Variants in METTL15 observed in about 807,000 individuals in gnomAD.
METTL15 encodes the protein methyltransferase 15, mitochondrial 12S rRNA N4-cytidine.
METTL15 carries 34 observed loss-of-function variants against 38.3 expected under a neutral mutation model. That is an observed-to-expected ratio of 0.89 (90% CI 0.68 to 1.18). The LOEUF (loss-of-function observed/expected upper bound fraction) is 1.18, where lower values mean the gene tolerates loss of function less well. Ranked by LOEUF, METTL15 falls within the 50% of genes most tolerant of loss-of-function variation. The pLI is 0.00. For synonymous variants in METTL15, 162 were observed against 170.9 expected (o/e 0.95, Z 0.41); for missense variants, 438 against 498.4 (o/e 0.88, Z 1.15).
Position 28,330,888 on chromosome 11 carries a change from A to C in METTL15, c.*47A>C. 2 of 1,389,366 alleles carry C rather than the reference A, an allele frequency of 1.4e-6. No individual in the cohort carries two copies. Among genetic ancestry groups the C allele is most frequent in the Non-Finnish European group, 1.9e-6 (2 of 1,030,108 alleles). The allele number at this position is 1,389,366 out of a possible 1,614,324, so 86.1% of individuals were successfully genotyped here. ...AAATTTTTTTCTCACAATTTCTCTA[A>C]TCTTTACTCATGTTATGTCCCTGAA... On this transcript the variant is annotated 3_prime_UTR_variant, in exon 7 of 7. Transcript: ENST00000407364.
intron 6 of METTL15, among the ~76,000 whole-genome samples, chr11:28,442,660 G>A (rs545503704): frequency 2.4e-4 from 36 of 152,168 alleles, no homozygotes; most frequent in Non-Finnish European, 5.0e-4. Context: ...TGAAGTAGAT[G>A]TTTCCTGGTT....
intron 4 of METTL15, among the ~76,000 whole-genome samples, chr11:28,271,844 A>G (rs1855652203): frequency 6.6e-6 from 1 of 152,190 alleles, no homozygotes. Context: ...TAATATCCAT[A>G]ATCTACAAAG....
chr11:28,339,172 T>TG (rs1209453655), intron 3 of METTL15, among the ~76,000 whole-genome samples: 1 of 152,106 alleles, frequency 6.6e-6, no homozygotes. Context: ...TAAAATCTTT[T>TG]GGGGAAAAAG....
intron 6 of METTL15, among the ~76,000 whole-genome samples, chr11:28,495,053 A>G (rs572768740): frequency 2.0e-5 from 3 of 152,206 alleles, no homozygotes; most frequent in African/African-American, 7.2e-5. Flanking sequence ...TTATTATTTT[A>G]AGTTCATTTA....
intron 3 of METTL15, chr11:28,134,421 T>C (rs1027146112): frequency 5.0e-6 from 2 of 396,508 alleles, no homozygotes; most frequent in Non-Finnish European, 8.9e-6. Flanking sequence ...GGTGGACATA[T>C]TTAGGCAAGG....
At chr11:28,117,231 A>ATGTGTGTGTGTTTG (rs1444092063) in intron 3 of METTL15, among the ~76,000 whole-genome samples, 1 of 66,820 alleles carries the variant, frequency 1.5e-5, no homozygotes, top group African/African-American at 5.7e-5. Flanking sequence ...ACACCTATAT[A>ATGTGTGTGTGTTTG]TGTATGTGTG....
intron 5 of METTL15, among the ~76,000 whole-genome samples, chr11:28,388,687 T>C (rs1188433521): frequency 1.3e-5 from 2 of 152,162 alleles, no homozygotes; most frequent in African/African-American, 4.8e-5. Flanking sequence ...CACTTTTCTT[T>C]TTTTTTATTA....
At chr11:28,198,982 A>ATTT (rs34011846) in intron 3 of METTL15, among the ~76,000 whole-genome samples, 1 of 146,130 alleles carries the variant, frequency 6.8e-6, no homozygotes, top group Non-Finnish European at 1.5e-5. Context: ...CTTTTTAGTG[A>ATTT]TTTTTTTTTT....
chr11:28,273,545 A>G (rs954910159), intron 4 of METTL15, among the ~76,000 whole-genome samples: 4 of 152,092 alleles, frequency 2.6e-5, no homozygotes, highest in Non-Finnish European at 1.5e-5. Context: ...GCTGTAGTTA[A>G]TCTTCAGATT....
intron 6 of METTL15, among the ~76,000 whole-genome samples, chr11:28,492,210 A>G (rs1213490347): frequency 6.6e-6 from 1 of 152,164 alleles, no homozygotes; most frequent in African/African-American, 2.4e-5. Flanking sequence ...AAGCTTTGTA[A>G]TTGAGAACCA....
intron 3 of METTL15, among the ~76,000 whole-genome samples, chr11:28,123,225 A>G (rs1447738873): frequency 6.6e-6 from 1 of 152,124 alleles, no homozygotes; most frequent in Non-Finnish European, 1.5e-5. Context: ...CTAGGTCAGC[A>G]TTAGTCCCTG....
At chr11:28,148,217 A>C (rs1315702888) in intron 3 of METTL15, among the ~76,000 whole-genome samples, 1 of 151,948 alleles carries the variant, frequency 6.6e-6, no homozygotes, top group Non-Finnish European at 1.5e-5. Context: ...TAAAGATTCT[A>C]AACAGAGAAT....
chr11:28,525,784 G>A (rs368366870), intron 6 of METTL15, among the ~76,000 whole-genome samples: 425 of 152,372 alleles, frequency 2.8e-3, no homozygotes, highest in African/African-American at 8.5e-3. Context: ...TGCCAGTACC[G>A]CGCCGTGCAC....
chr11:28,187,524 C>CTT lies in METTL15; in HGVS notation c.271-23523_271-23522dup, dbSNP rs34400562. Reference sequence around the variant, plus strand: ...CATAAGAACACAATAAATGTTTGTGCTTTTTTTTTTTTTTTTAACACGGAC... The same window carrying CTT: ...CATAAGAACACAATAAATGTTTGTGCTTTTTTTTTTTTTTTTTTAACACGGAC... On this transcript the variant is annotated intron_variant, in intron 3 of 6. Transcript: ENST00000407364. 1.5e-3 allele frequency among the ~76,000 whole-genome samples: 195 copies of CTT among 126,614 alleles called. 1 individual carries two copies. Among genetic ancestry groups the CTT allele is most frequent in the Non-Finnish European group, 2.1e-3 (122 of 58,210 alleles). The allele number at this position is 126,614 out of a possible 152,430, so 83.1% of individuals were successfully genotyped here. A position where few individuals can be genotyped will look rare whatever the true frequency, so the allele number is the denominator to read the frequency against.
intron 6 of METTL15, among the ~76,000 whole-genome samples, chr11:28,480,824 G>GT (rs1851388693): frequency 6.6e-6 from 1 of 152,270 alleles, no homozygotes; most frequent in East Asian, 1.9e-4. Context: ...CCTTGCAACA[G>GT]TTTCAGACAG....
intron 6 of METTL15, among the ~76,000 whole-genome samples, chr11:28,470,536 A>G (rs1185364080): frequency 2.0e-5 from 3 of 152,148 alleles, no homozygotes; most frequent in Non-Finnish European, 2.9e-5. Flanking sequence ...AACAGAAGAG[A>G]TAGAACCTTT....
intron 3 of METTL15, among the ~76,000 whole-genome samples, chr11:28,339,637 A>G (rs1849932788): frequency 6.6e-6 from 1 of 152,104 alleles, no homozygotes; most frequent in Non-Finnish European, 1.5e-5. Flanking sequence ...CAACAGCAAC[A>G]ATGTAGCAGA....
intron 6 of METTL15, among the ~76,000 whole-genome samples, chr11:28,427,624 A>C (rs563915053): frequency 3.9e-5 from 6 of 152,212 alleles, no homozygotes; most frequent in Non-Finnish European, 5.9e-5. Context: ...AGTGGTTTGT[A>C]GTTCTTCTTG....
At chr11:28,287,403 G>A in intron 4 of METTL15, 2 of 386,800 alleles carry the variant, frequency 5.2e-6, no homozygotes, top group South Asian at 2.1e-5. Flanking sequence ...TCTGGGGGCT[G>A]ATCACTCCAC....
Sources: allele counts gnomAD v4.1 joint callset (sites outside exome capture counted in the v4.1 genomes callset), GRCh38; gene constraint gnomAD v4.1.1; transcripts MANE v1.5; gene names NCBI Gene and HGNC (gene_info 2026-07-23, HGNC 2026-07-21).